Variants in FNDC3B observed in about 807,000 individuals in gnomAD.
The protein encoded by FNDC3B is fibronectin type III domain containing 3B.
Under a neutral mutation model 151.5 loss-of-function variants are expected in FNDC3B, and 12 were observed. The ratio of observed to expected loss-of-function variants is 0.08; its 90% CI spans 0.05 to 0.13. FNDC3B has a LOEUF of 0.13. Ranked by LOEUF, FNDC3B falls within the 10% of genes least tolerant of loss-of-function variation. The probability of loss-of-function intolerance (pLI) is 1.00; values close to 1 mark genes in which losing one functional copy is unlikely to be tolerated. For missense variants in FNDC3B, 1,214 were observed against 1,505.3 expected (o/e 0.81, Z 3.20); for synonymous variants, 528 against 549.0 (o/e 0.96, Z 0.54).
intron 1 of FNDC3B, among the ~76,000 whole-genome samples, chr3:172,053,021 A>G (rs1716743213): frequency 6.6e-6 from 1 of 152,238 alleles, no homozygotes. Context: ...ATAGTGGCCA[A>G]CAATTTTCCA....
At position 172,286,082 on chromosome 3, in the gene FNDC3B, C is replaced by T. The variant is rs79177597; in HGVS notation, c.849+98C>T. On this transcript the variant is annotated intron_variant, in intron 7 of 25. Coordinates refer to ENST00000415807, the MANE Select transcript of FNDC3B (RefSeq NM_022763.4). ...ACCACACAGTAGGTAAGGAAAAGGG[C>T]TCTTTCCCTTTGCAGATTACTCATC... The T allele has an allele frequency of 7.3e-3, 6,148 of 847,880 alleles. 249 individuals carry two copies. The African/African-American group carries it at 0.092, about 13-fold the overall frequency. The allele number at this position is 847,880 out of a possible 1,614,324, so 52.5% of individuals were successfully genotyped here.
intron 11 of FNDC3B, among the ~76,000 whole-genome samples, chr3:172,316,201 A>G (rs1286183291): frequency 6.6e-6 from 1 of 151,620 alleles, no homozygotes; most frequent in African/African-American, 2.4e-5. Context: ...ATGTTTCACC[A>G]TGTTGGCCAG....
At chr3:172,047,147 C>T (rs1716406684) in intron 1 of FNDC3B, among the ~76,000 whole-genome samples, 1 of 152,138 alleles carries the variant, frequency 6.6e-6, no homozygotes, top group South Asian at 2.1e-4. Context: ...ATGATCCTAA[C>T]TCACAATTAT....
At chr3:172,043,656 A>G (rs1300936619) in intron 1 of FNDC3B, among the ~76,000 whole-genome samples, 1 of 152,214 alleles carries the variant, frequency 6.6e-6, no homozygotes, top group East Asian at 1.9e-4. Flanking sequence ...GAATTTAAAG[A>G]CTGAGTTAGC....
At chr3:172,119,169 T>TAAAAAA (rs555243695) in intron 2 of FNDC3B, among the ~76,000 whole-genome samples, 4 of 102,164 alleles carry the variant, frequency 3.9e-5, no homozygotes, top group African/African-American at 1.2e-4. Flanking sequence ...GACTCTGCCT[T>TAAAAAA]AAAAAAAAAA....
chr3:172,382,388 A>T (rs974594184), intron 25 of FNDC3B, among the ~76,000 whole-genome samples: 7 of 152,108 alleles, frequency 4.6e-5, no homozygotes, highest in Middle Eastern at 3.2e-3. Context: ...AGATGGATAG[A>T]TTGCAAAATT....
At chr3:172,049,476 GTAGTAGGTGT>G (rs1311588343) in intron 1 of FNDC3B, among the ~76,000 whole-genome samples, 1 of 152,182 alleles carries the variant, frequency 6.6e-6, no homozygotes, top group African/African-American at 2.4e-5. Flanking sequence ...TAGAAATCCA[GTAGTAGGTGT>G]ACACTCGGAC....
intron 4 of FNDC3B, among the ~76,000 whole-genome samples, chr3:172,244,668 A>C (rs1253146901): frequency 8.5e-6 from 1 of 117,524 alleles, no homozygotes; most frequent in African/African-American, 3.4e-5. Context: ...TCTGTCACCC[A>C]GGCTGGAGTG....
At chr3:172,086,119 A>G (rs6445038) in intron 1 of FNDC3B, among the ~76,000 whole-genome samples, 97,618 of 152,026 alleles carry the variant, frequency 0.64, 31,501 homozygotes, top group East Asian at 0.78. Flanking sequence ...CCAGCACTTT[A>G]GGAGACTGAG....
intron 6 of FNDC3B, among the ~76,000 whole-genome samples, chr3:172,278,017 G>A (rs1170599397): frequency 2.0e-5 from 3 of 152,186 alleles, no homozygotes; most frequent in Non-Finnish European, 4.4e-5. Context: ...ATCAGGTGAT[G>A]AGCTTCACTT....
At chr3:172,355,921 T>C (rs1328270534) in intron 22 of FNDC3B, among the ~76,000 whole-genome samples, 1 of 152,218 alleles carries the variant, frequency 6.6e-6, no homozygotes, top group African/African-American at 2.4e-5. Flanking sequence ...ATTGCCTTCC[T>C]TGTTCTCCAT....
chr3:172,184,058 T>C (rs1189703452), intron 3 of FNDC3B, among the ~76,000 whole-genome samples: 1 of 152,154 alleles, frequency 6.6e-6, no homozygotes, highest in East Asian at 1.9e-4. Flanking sequence ...CATAAGTGAA[T>C]AAAGATAAGT....
intron 1 of FNDC3B, among the ~76,000 whole-genome samples, chr3:172,092,906 A>G (rs1387036540): frequency 6.6e-6 from 1 of 151,920 alleles, no homozygotes; most frequent in Non-Finnish European, 1.5e-5. Flanking sequence ...CCTGGGCTCA[A>G]GTGATTCTCC....
chr3:172,176,859 G>A (rs1206517453), intron 3 of FNDC3B, among the ~76,000 whole-genome samples: 1 of 152,162 alleles, frequency 6.6e-6, no homozygotes, highest in Non-Finnish European at 1.5e-5. Flanking sequence ...TTGCAGTGGG[G>A]GAGAGAGAAT....
Position 172,378,399 on chromosome 3 carries a change from C to A in FNDC3B, c.3138C>A (p.Thr1046=), listed in dbSNP as rs755854397. 2.5e-6 allele frequency: 4 copies of A among 1,613,600 alleles called. No individual in the cohort carries two copies. In the East Asian group the frequency reaches 8.9e-5, roughly 36 times the overall value. ...AAGGGCCCTTCTCAGAAACCTATAC[C>A]TTCAGCACAACCAAAAGTGTCCCCC... ...AGEGPFSETY[T]FSTTKSVPPT... is the part of the protein sequence containing the mutation. The change falls in exon 24 of 26, where the codon ACC becomes ACA. Residue 1046 remains threonine, a synonymous_variant. Transcript: ENST00000415807.
At chr3:172,283,237 T>A (rs1335407939) in intron 6 of FNDC3B, among the ~76,000 whole-genome samples, 1 of 152,202 alleles carries the variant, frequency 6.6e-6, no homozygotes, top group Non-Finnish European at 1.5e-5. Context: ...TTGGACAGAT[T>A]TTTTTATTAT....
chr3:172,101,805 T>C (rs1170028906), intron 1 of FNDC3B, among the ~76,000 whole-genome samples: 1 of 152,180 alleles, frequency 6.6e-6, no homozygotes, highest in Non-Finnish European at 1.5e-5. Context: ...GCTAGTTTTT[T>C]CCCCCCTCTA....
chr3:172,042,546 C>A (rs908569520), intron 1 of FNDC3B, among the ~76,000 whole-genome samples: 1 of 152,184 alleles, frequency 6.6e-6, no homozygotes, highest in African/African-American at 2.4e-5. Context: ...TCTGGGATAT[C>A]TGATGTGTAC....
At chr3:172,164,295 CTG>C (rs1385551834) in intron 3 of FNDC3B, among the ~76,000 whole-genome samples, 2 of 152,134 alleles carry the variant, frequency 1.3e-5, no homozygotes, top group Admixed American at 1.3e-4. Context: ...AGCAATAAGT[CTG>C]TAGTTTGCTC....
Sources: gnomAD v4.1 joint callset for allele counts (sites outside exome capture counted in the v4.1 genomes callset) on GRCh38, gnomAD v4.1.1 for gene constraint, MANE v1.5 for transcripts, NCBI Gene and HGNC (gene_info 2026-07-23, HGNC 2026-07-21) for gene names.